Variants in CPNE4 observed in about 807,000 individuals in gnomAD.
The protein encoded by CPNE4 is copine-4.
In CPNE4, 25 loss-of-function variants were observed where a neutral mutation model predicts 67.9. The observed-to-expected ratio is 0.37, with a 90% CI of 0.27 to 0.51. The LOEUF (loss-of-function observed/expected upper bound fraction) is 0.51, where lower values mean the gene tolerates loss of function less well. Ranked by LOEUF, CPNE4 falls within the 20% of genes least tolerant of loss-of-function variation. CPNE4 has a pLI of 0.93. For synonymous variants in CPNE4, 242 were observed against 244.9 expected (o/e 0.99, Z 0.11); for missense variants, 464 against 690.8 (o/e 0.67, Z 3.68).
chr3:131,593,295 G>T (rs2107710908), intron 7 of CPNE4, among the ~76,000 whole-genome samples: 1 of 152,276 alleles, frequency 6.6e-6, no homozygotes, highest in East Asian at 1.9e-4. Flanking sequence ...TCATGAACAT[G>T]AAAGGTCTTT....
chr3:131,865,067 G>T (rs2086874502), intron 2 of CPNE4, among the ~76,000 whole-genome samples: 1 of 152,120 alleles, frequency 6.6e-6, no homozygotes, highest in African/African-American at 2.4e-5. Flanking sequence ...ACTTGATCAT[G>T]GTGGATAAGC....
At chr3:131,909,440 A>T (rs1483917281) in intron 1 of CPNE4, among the ~76,000 whole-genome samples, 3 of 152,140 alleles carry the variant, frequency 2.0e-5, no homozygotes, top group African/African-American at 7.2e-5. Flanking sequence ...CAGAGGGGTC[A>T]ATTGTCTCAT....
intron 5 of CPNE4, among the ~76,000 whole-genome samples, chr3:131,695,734 G>A (rs1005430706): frequency 6.6e-6 from 1 of 152,142 alleles, no homozygotes; most frequent in Non-Finnish European, 1.5e-5. Context: ...GTTAAGAATG[G>A]AGCAGTCTGT....
At chr3:131,945,338 G>T (rs192537148) in intron 1 of CPNE4, among the ~76,000 whole-genome samples, 1 of 152,254 alleles carries the variant, frequency 6.6e-6, no homozygotes, top group East Asian at 1.9e-4. Context: ...AAATCTTCCT[G>T]CAAGAGAACC....
intron 7 of CPNE4, among the ~76,000 whole-genome samples, chr3:131,662,988 T>C (rs1476823087): frequency 1.3e-5 from 2 of 152,138 alleles, no homozygotes; most frequent in African/African-American, 4.8e-5. Context: ...TATAAATCAT[T>C]CTACTATAAA....
At chr3:132,028,625 C>G (rs2074168632) in intron 1 of CPNE4, among the ~76,000 whole-genome samples, 1 of 152,082 alleles carries the variant, frequency 6.6e-6, no homozygotes, top group Non-Finnish European at 1.5e-5. Context: ...TATTGTGTGC[C>G]AAGCATTGTA....
chr3:132,022,468 A>T (rs1486445712), intron 1 of CPNE4, among the ~76,000 whole-genome samples: 3 of 152,110 alleles, frequency 2.0e-5, no homozygotes, highest in African/African-American at 2.4e-5. Flanking sequence ...GATGTTGCAT[A>T]AAAAAACAGG....
At chr3:131,813,857 T>C (rs1441864550) in intron 2 of CPNE4, among the ~76,000 whole-genome samples, 3 of 152,194 alleles carry the variant, frequency 2.0e-5, no homozygotes, top group Non-Finnish European at 2.9e-5. Context: ...ATACCAGACA[T>C]GATTTTGAAA....
At chr3:131,820,211 C>T (rs2084912593) in intron 2 of CPNE4, among the ~76,000 whole-genome samples, 1 of 152,182 alleles carries the variant, frequency 6.6e-6, no homozygotes, top group Non-Finnish European at 1.5e-5. Context: ...GAATGCCCTT[C>T]GGACTAACAT....
At chr3:131,996,809 A>C (rs550611013) in intron 1 of CPNE4, among the ~76,000 whole-genome samples, 5 of 152,114 alleles carry the variant, frequency 3.3e-5, no homozygotes, top group Admixed American at 2.6e-4. Flanking sequence ...TATTGCTTTG[A>C]AAAAGAGCCT....
intron 2 of CPNE4, among the ~76,000 whole-genome samples, chr3:131,763,162 C>T (rs2082931259): frequency 6.6e-6 from 1 of 152,016 alleles, no homozygotes; most frequent in Non-Finnish European, 1.5e-5. Flanking sequence ...AGCATTTTAT[C>T]CTCTTGCACA....
chr3:131,921,062 A>C (rs2070728557), intron 1 of CPNE4, among the ~76,000 whole-genome samples: 1 of 152,198 alleles, frequency 6.6e-6, no homozygotes, highest in Non-Finnish European at 1.5e-5. Flanking sequence ...CATTGCTCCC[A>C]CACAGTTGAC....
chr3:131,885,432 C>A (rs1477348269), intron 2 of CPNE4, among the ~76,000 whole-genome samples: 1 of 151,154 alleles, frequency 6.6e-6, no homozygotes, highest in Non-Finnish European at 1.5e-5. Flanking sequence ...TAGATGCAGA[C>A]CCATGCAAGT....
chr3:131,793,080 C>T (rs1184294475), intron 2 of CPNE4, among the ~76,000 whole-genome samples: 5 of 152,146 alleles, frequency 3.3e-5, no homozygotes, highest in African/African-American at 1.2e-4. Context: ...TTCGTCTTTT[C>T]CCATACCCCA....
chr3:131,764,898 C>T (rs530319531), intron 2 of CPNE4, among the ~76,000 whole-genome samples: 12 of 152,034 alleles, frequency 7.9e-5, no homozygotes, highest in Admixed American at 3.3e-4. Context: ...TTAACAAAGA[C>T]CTCCTGTCAA....
At chr3:131,908,884 AG>A (rs748429341) in intron 1 of CPNE4, among the ~76,000 whole-genome samples, 17 of 152,260 alleles carry the variant, frequency 1.1e-4, no homozygotes, top group Non-Finnish European at 2.1e-4. Context: ...GGTGCTGTAA[AG>A]AGCAGATTAA....
At chr3:131,890,343 A>G (rs1354914682) in intron 2 of CPNE4, among the ~76,000 whole-genome samples, 1 of 152,024 alleles carries the variant, frequency 6.6e-6, no homozygotes, top group Non-Finnish European at 1.5e-5. Context: ...AACGTGCTTA[A>G]CATCACTCAT....
intron 6 of CPNE4, among the ~76,000 whole-genome samples, chr3:131,683,577 G>T (rs1481239843): frequency 2.6e-5 from 4 of 152,092 alleles, no homozygotes; most frequent in Admixed American, 2.6e-4. Flanking sequence ...GCCGTGTGCT[G>T]CACTGCTTAG....
chr3:132,020,877 CAAT>C (rs1477291736), intron 1 of CPNE4, among the ~76,000 whole-genome samples: 1 of 152,212 alleles, frequency 6.6e-6, no homozygotes, highest in Non-Finnish European at 1.5e-5. Flanking sequence ...TGAACACAAA[CAAT>C]AAACAGTATG....
Sources: allele counts gnomAD v4.1 joint callset (sites outside exome capture counted in the v4.1 genomes callset), GRCh38; gene constraint gnomAD v4.1.1; transcripts MANE v1.5; gene names NCBI Gene and HGNC (gene_info 2026-07-23, HGNC 2026-07-21).